Variants in HACD3 observed in about 807,000 individuals in gnomAD.
The protein encoded by HACD3 is 3-hydroxyacyl-CoA dehydratase 3.
Under a neutral mutation model 55.2 loss-of-function variants are expected in HACD3, and 30 were observed. The observed-to-expected ratio is 0.54, with a 90% confidence interval of 0.41 to 0.74. HACD3 has a LOEUF of 0.74. Among genes scored for constraint, HACD3 ranks in the 30% least tolerant of loss-of-function variants. The pLI, the probability that HACD3 is intolerant of heterozygous loss-of-function variation, is 0.00. For missense variants in HACD3, 363 were observed against 440.1 expected (o/e 0.82, Z 1.57); for synonymous variants, 141 against 151.7 (o/e 0.93, Z 0.52).
At position 65,562,786 on chromosome 15, in the gene HACD3, T is replaced by C. The variant is rs373386103; in HGVS notation, c.434T>C (p.Leu145Ser). ...SEGSPETLTN[L>S]RKGYLFMYNL... is the part of the protein sequence containing the mutation. ...CTTTGCTTTACAGCTCTTACAAACT[T>C]AAGGAAAGGATACCTGTTTATGTAT... The change falls in exon 6 of 11, where the codon TTA (leucine) becomes TCA (serine). Residue 145 changes from leucine to serine, a missense_variant. Transcript: ENST00000261875. 1.9e-6 allele frequency: 3 copies of C among 1,613,730 alleles called. No homozygotes were observed. The highest frequency in any genetic ancestry group is 2.5e-6 in the Non-Finnish European group (3 of 1,179,838).
chr15:65,562,521 G>A (rs2072253492), intron 5 of HACD3, among the ~76,000 whole-genome samples: 1 of 152,010 alleles, frequency 6.6e-6, no homozygotes, highest in Non-Finnish European at 1.5e-5. Flanking sequence ...GGTTTGTTAT[G>A]TCTGTATACC....
intron 4 of HACD3, among the ~76,000 whole-genome samples, chr15:65,558,268 T>C (rs1212904466): frequency 6.6e-6 from 1 of 152,212 alleles, no homozygotes; most frequent in Non-Finnish European, 1.5e-5. Context: ...CATAGTGATG[T>C]TGGAAACATG....
intron 1 of HACD3, among the ~76,000 whole-genome samples, chr15:65,540,398 GA>G (rs1283197148): frequency 1.3e-5 from 2 of 152,320 alleles, no homozygotes; most frequent in East Asian, 3.9e-4. Context: ...GGGAAATAAA[GA>G]GGGTGATGAA....
chr15:65,537,934 GAAAAAAAAAAAAAA>G (rs1167167112), intron 1 of HACD3, among the ~76,000 whole-genome samples: 18 of 23,940 alleles, frequency 7.5e-4, no homozygotes, highest in African/African-American at 2.2e-3. Context: ...CAACTTCTCA[GAAAAAAAAAAAAAA>G]AAAAAAAAAA....
At position 65,530,573 on chromosome 15, in the gene HACD3, CT is replaced by C; in HGVS notation, c.-58del. On this transcript the variant is annotated 5_prime_UTR_variant, in exon 1 of 11. Transcript: ENST00000261875. Reference sequence around the variant, plus strand: ...GCTTTCTGCTCGCGCCAGCAGAGCACTACCTGAGGCAGCGAGGCGCAGCGAG... The same window carrying C: ...GCTTTCTGCTCGCGCCAGCAGAGCACACCTGAGGCAGCGAGGCGCAGCGAG... 3 of 1,474,718 alleles carry C rather than the reference CT, an allele frequency of 2.0e-6. No individual in the cohort carries two copies. Among genetic ancestry groups the C allele is most frequent in the Non-Finnish European group, 2.8e-6 (3 of 1,082,930 alleles). 91.4% of individuals were successfully genotyped at this position (1,474,718 alleles called of 1,614,324 possible).
intron 5 of HACD3, among the ~76,000 whole-genome samples, chr15:65,560,062 A>G: frequency 6.9e-6 from 1 of 144,266 alleles, no homozygotes; most frequent in African/African-American, 2.6e-5. Flanking sequence ...TTTTTTTTTG[A>G]GATGGGGTCT....
At chr15:65,552,527 G>C (rs2072144237) in intron 2 of HACD3, among the ~76,000 whole-genome samples, 1 of 151,894 alleles carries the variant, frequency 6.6e-6, no homozygotes, top group Non-Finnish European at 1.5e-5. Context: ...GTAGAGACAG[G>C]GTTTCACTAT....
chr15:65,553,525 C>G (rs2072156186), intron 2 of HACD3, among the ~76,000 whole-genome samples: 1 of 152,190 alleles, frequency 6.6e-6, no homozygotes, highest in African/African-American at 2.4e-5. Context: ...TAAAGAGTTT[C>G]TGCTTTATGT....
At chr15:65,543,334 CT>C (rs201496666) in intron 1 of HACD3, among the ~76,000 whole-genome samples, 23 of 150,736 alleles carry the variant, frequency 1.5e-4, no homozygotes, top group African/African-American at 5.1e-4. Flanking sequence ...TCTCCCTTTT[CT>C]TTTTTTTTAA....
intron 1 of HACD3, among the ~76,000 whole-genome samples, chr15:65,541,133 ATT>A (rs2072015179): frequency 6.6e-6 from 1 of 152,222 alleles, no homozygotes; most frequent in Non-Finnish European, 1.5e-5. Flanking sequence ...GTTATAAACA[ATT>A]TCCATGTGAA....
chr15:65,575,025 C>T (rs890655289), intron 10 of HACD3, among the ~76,000 whole-genome samples: 1 of 152,066 alleles, frequency 6.6e-6, no homozygotes, highest in African/African-American at 2.4e-5. Flanking sequence ...ATTGTACACT[C>T]TAATTTGCAA....
At chr15:65,561,711 A>T (rs2072246182) in intron 5 of HACD3, among the ~76,000 whole-genome samples, 1 of 152,130 alleles carries the variant, frequency 6.6e-6, no homozygotes, top group African/African-American at 2.4e-5. Context: ...AGCAGACACC[A>T]GCTGGGTGCC....
intron 7 of HACD3, among the ~76,000 whole-genome samples, chr15:65,568,718 A>G (rs932367717): frequency 6.6e-6 from 1 of 152,148 alleles, no homozygotes; most frequent in Non-Finnish European, 1.5e-5. Flanking sequence ...AAAGGTCGAG[A>G]ATATTCTTTA....
intron 7 of HACD3, chr15:65,566,885 A>G (rs1761642168): frequency 6.6e-6 from 1 of 152,226 alleles, no homozygotes. Context: ...CTTTAAGACT[A>G]GGGAAATTTG....
chr15:65,574,899 A>G (rs2072386075), intron 10 of HACD3, among the ~76,000 whole-genome samples: 1 of 152,212 alleles, frequency 6.6e-6, no homozygotes, highest in South Asian at 2.1e-4. Context: ...TGAAATGGGC[A>G]TAAGATAAAG....
At chr15:65,555,907 C>T (rs2072184340) in intron 3 of HACD3, among the ~76,000 whole-genome samples, 1 of 152,144 alleles carries the variant, frequency 6.6e-6, no homozygotes, top group South Asian at 2.1e-4. Context: ...GGTGATTGGA[C>T]ATAGTACCTT....
At chr15:65,557,071 G>A (rs1287932890) in intron 4 of HACD3, among the ~76,000 whole-genome samples, 168 bp downstream of exon 4, 3 of 152,222 alleles carry the variant, frequency 2.0e-5, no homozygotes, top group Non-Finnish European at 4.4e-5. Flanking sequence ...GTATTTTATA[G>A]ACTTTCCTTC....
rs2141220374 is a variant in HACD3 at position 65,562,864 on chromosome 15, G to A, written c.512G>A (p.Arg171Gln). 4 of 1,613,894 alleles carry A rather than the reference G, an allele frequency of 2.5e-6. No homozygotes were observed. The highest frequency in any genetic ancestry group is 2.5e-6 in the Non-Finnish European group (3 of 1,179,858). ...TGGATCTTTGTCAACCTGACTGTGC[G>A]ATTCTGTATCTTGGGAAAAGGCAAG... ...FSWIFVNLTV[R>Q]FCILGKESFY... is the part of the protein sequence containing the mutation. Residue 171 changes from arginine (R) to glutamine (Q), a missense_variant, in exon 6 of 11, where the codon CGA becomes CAA. Physicochemically the swap from Arg to Gln is conservative, Grantham distance 43 (BLOSUM62 1). Coordinates refer to ENST00000261875, the MANE Select transcript of HACD3 (RefSeq NM_016395.4).
intron 1 of HACD3, among the ~76,000 whole-genome samples, chr15:65,534,902 C>T (rs2071939819): frequency 6.6e-6 from 1 of 152,108 alleles, no homozygotes; most frequent in Non-Finnish European, 1.5e-5. Context: ...CGATATTAAA[C>T]CTTAGATGAG....
Sources: allele counts gnomAD v4.1 joint callset (sites outside exome capture counted in the v4.1 genomes callset), GRCh38; gene constraint gnomAD v4.1.1; transcripts MANE v1.5; gene names NCBI Gene and HGNC (gene_info 2026-07-23, HGNC 2026-07-21).